The following TRABD2B variants were observed in gnomAD, a reference collection of about 807,000 sequenced individuals.
The protein encoded by TRABD2B is metalloprotease TIKI2.
Under a neutral mutation model 40.1 loss-of-function variants are expected in TRABD2B, and 14 were observed. That is an observed-to-expected ratio of 0.35 (90% CI 0.23 to 0.55). The LOEUF is 0.55. TRABD2B is among the 20% of genes least tolerant of loss of function. The pLI is 0.90. For missense variants in TRABD2B, 541 were observed against 648.6 expected, an observed-to-expected ratio of 0.83 and a Z score of 1.80; for synonymous variants, 263 against 277.0, an observed-to-expected ratio of 0.95 and a Z score of 0.50.
chr1:47,877,863 A>G (rs1644246578), intron 2 of TRABD2B, among the ~76,000 whole-genome samples: 1 of 151,870 alleles, frequency 6.6e-6, no homozygotes, highest in African/African-American at 2.4e-5. Flanking sequence ...GTGGTGGTGC[A>G]CACCTATAGT....
chr1:47,817,849 C>G (rs565176773), intron 2 of TRABD2B, among the ~76,000 whole-genome samples: 1 of 152,352 alleles, frequency 6.6e-6, no homozygotes, highest in South Asian at 2.1e-4. Context: ...GGCCCAGGAG[C>G]AGGCCTGGGA....
chr1:47,994,494 G>A lies in TRABD2B; in HGVS notation c.206C>T (p.Pro69Leu), dbSNP rs988026150. ...VPYTRVWDFI[P>L]DNSKAAFQAS... The stretch of plus-strand genomic sequence containing the variant: ...CTGGAAGGCTGCCTTGGAGTTGTCC[G>A]GGATGAAGTCCCAGACGCGGGTGTA... Residue 69 changes from proline to leucine, a missense_variant, in exon 2 of 7, where the codon CCG becomes CTG. This residue lies in a region of TRABD2B where 369 missense variants were observed against 492.8 expected (regional missense o/e 0.75). Coordinates refer to ENST00000606738, the MANE Select transcript of TRABD2B (RefSeq NM_001194986.2). The surrounding 1 kb of genome is among the most constrained non-coding windows in gnomAD (Gnocchi z 6.7). 1.1e-5 allele frequency: 17 copies of A among 1,536,068 alleles called. No individual in the cohort carries two copies. Among genetic ancestry groups the A allele is most frequent in the South Asian group, 2.4e-5 (2 of 84,072 alleles).
intron 2 of TRABD2B, among the ~76,000 whole-genome samples, chr1:47,868,297 G>A (rs1644088638): frequency 6.6e-6 from 1 of 152,104 alleles, no homozygotes; most frequent in African/African-American, 2.4e-5. Flanking sequence ...ACATATGGCT[G>A]GTAAACACTT....
At chr1:47,862,129 G>C (rs764593034) in intron 2 of TRABD2B, among the ~76,000 whole-genome samples, 9 of 152,162 alleles carry the variant, frequency 5.9e-5, no homozygotes, top group Non-Finnish European at 1.3e-4. Flanking sequence ...AAAACCTACA[G>C]TTAACATCAC....
chr1:47,878,528 G>C (rs560010750), intron 2 of TRABD2B, among the ~76,000 whole-genome samples: 1 of 152,154 alleles, frequency 6.6e-6, no homozygotes, highest in Non-Finnish European at 1.5e-5. Flanking sequence ...AGTCTCAGAC[G>C]TCTACGCATA....
chr1:47,879,255 A>G (rs372604547), intron 2 of TRABD2B, among the ~76,000 whole-genome samples: 3 of 152,216 alleles, frequency 2.0e-5, no homozygotes, highest in East Asian at 3.8e-4. Flanking sequence ...GGTGCCACAT[A>G]CTGATGTTTT....
rs1644255471 is a variant in TRABD2B, at chr1:47,762,586, T to G, written c.*3316A>C. The G allele has an allele frequency of 6.6e-6, 1 of 152,188 alleles. No homozygotes were observed. The highest frequency in any genetic ancestry group is 6.5e-5 in the Admixed American group (1 of 15,284). 9.4% of individuals were successfully genotyped at this position (152,188 alleles called of 1,614,324 possible). On this transcript the variant is annotated 3_prime_UTR_variant, in exon 7 of 7. Transcript: ENST00000606738. ...AGGCCAGGAAGTTGTAGATAACACA[T>G]TATTTAGCATGAAGAAAATATGCTT... is the stretch of plus-strand genomic sequence containing the variant.
At chr1:47,981,283 AGATTACAGGC>A (rs1352415268) in intron 2 of TRABD2B, among the ~76,000 whole-genome samples, 4 of 152,122 alleles carry the variant, frequency 2.6e-5, no homozygotes, top group Non-Finnish European at 4.4e-5. Flanking sequence ...CAAAGTGCTA[AGATTACAGGC>A]ATAAGCCACT....
chr1:47,785,538 TA>T (rs1195239363), intron 4 of TRABD2B, among the ~76,000 whole-genome samples: 1 of 152,198 alleles, frequency 6.6e-6, no homozygotes. Flanking sequence ...CAAAGATGGT[TA>T]CAAATTCCGA....
At chr1:47,779,377 C>T (rs1227367404) in intron 4 of TRABD2B, among the ~76,000 whole-genome samples, 1 of 152,178 alleles carries the variant, frequency 6.6e-6, no homozygotes, top group East Asian at 1.9e-4. Flanking sequence ...CATGTCAGTC[C>T]CCCACTCACT....
At chr1:47,917,458 C>T (rs377405242) in intron 2 of TRABD2B, among the ~76,000 whole-genome samples, 9 of 152,122 alleles carry the variant, frequency 5.9e-5, no homozygotes, top group African/African-American at 1.4e-4. Flanking sequence ...CAGTGGCTCA[C>T]GCCTGTAATC....
At chr1:47,824,693 A>T (rs1645152417) in intron 2 of TRABD2B, among the ~76,000 whole-genome samples, 1 of 152,212 alleles carries the variant, frequency 6.6e-6, no homozygotes. Flanking sequence ...GAGCAGGTGC[A>T]GGATGAATTA....
chr1:47,872,126 TG>T (rs1448567781), intron 2 of TRABD2B, among the ~76,000 whole-genome samples: 1 of 152,196 alleles, frequency 6.6e-6, no homozygotes, highest in East Asian at 1.9e-4. Flanking sequence ...GACAGCAGCA[TG>T]CAGGGTCATG....
chr1:47,837,628 G>GGA (rs1039610974), intron 2 of TRABD2B, among the ~76,000 whole-genome samples: 1 of 152,172 alleles, frequency 6.6e-6, no homozygotes, highest in Non-Finnish European at 1.5e-5. Context: ...TCTGCAGGGC[G>GGA]GAGAGAGAGA....
At chr1:47,979,656 A>C (rs1310533857) in intron 2 of TRABD2B, among the ~76,000 whole-genome samples, 2 of 152,194 alleles carry the variant, frequency 1.3e-5, no homozygotes, top group Non-Finnish European at 2.9e-5. Context: ...CCCCACTTTG[A>C]ACAGGTGGAA....
chr1:47,933,336 T>G (rs976632709), intron 2 of TRABD2B, among the ~76,000 whole-genome samples: 2 of 151,826 alleles, frequency 1.3e-5, no homozygotes, highest in Admixed American at 1.3e-4. Context: ...ATGATCTCGA[T>G]CTCCTGACCT....
intron 2 of TRABD2B, among the ~76,000 whole-genome samples, chr1:47,910,203 A>C (rs1557651927): frequency 6.6e-6 from 1 of 152,030 alleles, no homozygotes; most frequent in Non-Finnish European, 1.5e-5. Flanking sequence ...CAAGCATCCA[A>C]ACCATATCAG....
intron 2 of TRABD2B, among the ~76,000 whole-genome samples, chr1:47,923,907 TACACACATACACACACACAC>T (rs1644935871): frequency 6.2e-5 from 4 of 64,148 alleles, no homozygotes; most frequent in Admixed American, 5.1e-4. Context: ...TCTACACACA[TACACACATACACACACACAC>T]ACACACACAC....
intron 5 of TRABD2B, among the ~76,000 whole-genome samples, chr1:47,776,373 GAAT>G (rs1173583347): frequency 6.6e-6 from 1 of 152,142 alleles, no homozygotes; most frequent in Non-Finnish European, 1.5e-5. Flanking sequence ...TATAGCACAA[GAAT>G]AATAATACTA....
Sources: allele counts gnomAD v4.1 joint callset (sites outside exome capture counted in the v4.1 genomes callset), GRCh38; gene constraint gnomAD v4.1.1; regional missense constraint gnomAD v4.1.1; non-coding constraint Gnocchi (gnomAD v3.1); transcripts MANE v1.5; gene names NCBI Gene and HGNC (gene_info 2026-07-23, HGNC 2026-07-21).